Variants in TMEM244 observed in about 807,000 individuals in gnomAD.
TMEM244 encodes the protein putative transmembrane protein 244.
Under a neutral mutation model 15.8 loss-of-function variants are expected in TMEM244, and 13 were observed. The observed-to-expected ratio is 0.82, with a 90% CI of 0.53 to 1.30. The LOEUF (loss-of-function observed/expected upper bound fraction) is 1.30. Ranked by LOEUF, TMEM244 falls within the 50% of genes most tolerant of loss-of-function variation. The pLI, the probability that TMEM244 is intolerant of heterozygous loss-of-function variation, is 0.00. For synonymous variants in TMEM244, 45 were observed against 48.7 expected (o/e 0.92, Z 0.32); for missense variants, 161 against 144.9 (o/e 1.11, Z -0.57).
At chr6:129,854,775 C>T (rs941487523) in intron 1 of TMEM244, among the ~76,000 whole-genome samples, 3 of 152,120 alleles carry the variant, frequency 2.0e-5, no homozygotes, top group African/African-American at 7.2e-5. Context: ...AAATTTACAA[C>T]AGGTTTATTG....
At position 129,861,220 on chromosome 6, in the gene TMEM244, G is replaced by T. The variant is rs1048550512; in HGVS notation, c.-32C>A. 1 of 1,612,750 alleles carries T rather than the reference G, an allele frequency of 6.2e-7. No homozygotes were observed. Among genetic ancestry groups the T allele is most frequent in the African/African-American group, 1.3e-5 (1 of 75,006 alleles). On this transcript the variant is annotated 5_prime_UTR_variant, in exon 1 of 5. Coordinates refer to ENST00000368143, the MANE Select transcript of TMEM244 (RefSeq NM_001010876.2). ...ATCCTACGTCAAGGAGGTGATGAAA[G>T]CCCCACTCCTTATAGCGATGACATC...
chr6:129,834,459 A>T, intron 3 of TMEM244, among the ~76,000 whole-genome samples: 1 of 134,148 alleles, frequency 7.5e-6, no homozygotes, highest in South Asian at 2.4e-4. Flanking sequence ...ATGTTCATAT[A>T]ATTCAGGAAT....
At chr6:129,856,066 A>G (rs527547911) in intron 1 of TMEM244, among the ~76,000 whole-genome samples, 218 of 152,146 alleles carry the variant, frequency 1.4e-3, no homozygotes, top group African/African-American at 5.1e-3. Flanking sequence ...CTATTAATTT[A>G]TGTATTTATT....
At chr6:129,848,253 A>G (rs1441704705) in intron 1 of TMEM244, among the ~76,000 whole-genome samples, 2 of 152,208 alleles carry the variant, frequency 1.3e-5, no homozygotes, top group African/African-American at 4.8e-5. Context: ...TGTGTGCAAA[A>G]GAGACATTCT....
intron 3 of TMEM244, among the ~76,000 whole-genome samples, chr6:129,833,872 C>T (rs1372904403): frequency 3.3e-5 from 5 of 152,038 alleles, no homozygotes; most frequent in African/African-American, 7.2e-5. Flanking sequence ...TACAATATAA[C>T]CAATATGTGC....
intron 3 of TMEM244, among the ~76,000 whole-genome samples, chr6:129,840,061 C>T (rs1311214628): frequency 6.6e-6 from 1 of 152,120 alleles, no homozygotes; most frequent in East Asian, 1.9e-4. Flanking sequence ...ACTTTCTTCA[C>T]AGAATTGGAA....
intron 3 of TMEM244, among the ~76,000 whole-genome samples, chr6:129,840,409 C>T (rs1273840003): frequency 6.6e-6 from 1 of 152,150 alleles, no homozygotes; most frequent in Non-Finnish European, 1.5e-5. Flanking sequence ...GGCTTCCCTA[C>T]ACCATAAACA....
At chr6:129,847,371 C>G (rs547505024) in intron 1 of TMEM244, among the ~76,000 whole-genome samples, 1 of 152,274 alleles carries the variant, frequency 6.6e-6, no homozygotes, top group African/African-American at 2.4e-5. Context: ...ATTAATTTTA[C>G]TTGAATGACC....
chr6:129,835,604 G>A (rs1221750968), intron 3 of TMEM244, among the ~76,000 whole-genome samples: 2 of 152,102 alleles, frequency 1.3e-5, no homozygotes, highest in African/African-American at 2.4e-5. Context: ...GCAGGGTGTT[G>A]CCTCACCCGG....
At chr6:129,840,663 T>C (rs896978598) in intron 3 of TMEM244, among the ~76,000 whole-genome samples, 3 of 151,956 alleles carry the variant, frequency 2.0e-5, no homozygotes, top group African/African-American at 7.3e-5. Context: ...TGGGAGAAAA[T>C]TTTTGCAATC....
chr6:129,834,578 C>T (rs535411826), intron 3 of TMEM244, among the ~76,000 whole-genome samples: 21 of 152,168 alleles, frequency 1.4e-4, no homozygotes, highest in African/African-American at 4.6e-4. Context: ...TGATTGCAGT[C>T]GGTAAGCGAG....
rs181739521 is a variant in TMEM244, at chr6:129,848,022, C to T, written c.34-2170G>A. Among the ~76,000 whole-genome samples the T allele has an allele frequency of 1.4e-3, 208 of 152,198 alleles. 1 individual carries two copies. Among genetic ancestry groups the T allele is most frequent in the Middle Eastern group, 6.8e-3 (2 of 294 alleles). ...CTCCCAACCTCAGGTGATCCGCCTG[C>T]GTCAGCCTCAGAAAGTGCGGGGATT... On this transcript the variant is annotated intron_variant, in intron 1 of 4. Coordinates refer to ENST00000368143, the MANE Select transcript of TMEM244 (RefSeq NM_001010876.2).
chr6:129,831,449 A>G (rs1776328309), intron 4 of TMEM244, 63 bp from the exon 5 acceptor site: 1 of 1,163,982 alleles, frequency 8.6e-7, no homozygotes, highest in African/African-American at 1.5e-5. Context: ...TCAAGAAGAA[A>G]TACGTCTGTT....
intron 1 of TMEM244, among the ~76,000 whole-genome samples, chr6:129,852,254 C>T (rs541339086): frequency 5.9e-5 from 9 of 152,030 alleles, no homozygotes; most frequent in South Asian, 2.1e-4. Context: ...TTTATTCAAC[C>T]GGTGAGCATC....
At chr6:129,839,378 G>A (rs185598938) in intron 3 of TMEM244, among the ~76,000 whole-genome samples, 171 of 152,106 alleles carry the variant, frequency 1.1e-3, no homozygotes, top group African/African-American at 3.6e-3. Flanking sequence ...AAATTCAATA[G>A]CCCTTCATGC....
intron 1 of TMEM244, among the ~76,000 whole-genome samples, chr6:129,860,418 A>T (rs1776787013): frequency 6.6e-6 from 1 of 152,130 alleles, no homozygotes; most frequent in Non-Finnish European, 1.5e-5. Flanking sequence ...CACTGATGAC[A>T]TATGTGGTGA....
chr6:129,841,362 G>A (rs941378934), intron 3 of TMEM244, among the ~76,000 whole-genome samples: 1 of 141,560 alleles, frequency 7.1e-6, no homozygotes, highest in African/African-American at 2.6e-5. Flanking sequence ...TCATAGGTGG[G>A]AGTTAAACAA....
chr6:129,831,682 G>A (rs1776330639), intron 4 of TMEM244, among the ~76,000 whole-genome samples: 2 of 152,172 alleles, frequency 1.3e-5, no homozygotes. Context: ...TCAATGCCTA[G>A]TTCCCTCAGG....
chr6:129,846,786 C>A (rs1416139668), intron 1 of TMEM244, among the ~76,000 whole-genome samples: 1 of 152,106 alleles, frequency 6.6e-6, no homozygotes, highest in Non-Finnish European at 1.5e-5. Flanking sequence ...AATAATTAAA[C>A]CTCTATGCAA....
Sources: gnomAD v4.1 joint callset for allele counts (sites outside exome capture counted in the v4.1 genomes callset) on GRCh38, gnomAD v4.1.1 for gene constraint, MANE v1.5 for transcripts, NCBI Gene and HGNC (gene_info 2026-07-23, HGNC 2026-07-21) for gene names.